The following PABPC4L variants were observed in gnomAD, a reference collection of about 807,000 sequenced individuals.
PABPC4L encodes poly(A) binding protein cytoplasmic 4 like.
For synonymous variants in PABPC4L, 169 were observed against 164.1 expected (o/e 1.03, Z -0.23); for missense variants, 452 against 451.4 (o/e 1.00, Z -0.01).
At chr4:134,069,205 A>C in the PABPC4L span, among the ~76,000 whole-genome samples, 7 of 152,096 alleles carry the variant, frequency 4.6e-5, no homozygotes, top group African/African-American at 1.7e-4. Flanking sequence ...TACCCTGTTA[A>C]GTTTCCCTCT....
chr4:134,121,101 T>C, the PABPC4L span, among the ~76,000 whole-genome samples: 1 of 151,372 alleles, frequency 6.6e-6, no homozygotes, highest in African/African-American at 2.4e-5. Flanking sequence ...TGTTAACCCA[T>C]ATGGTGAGTT....
chr4:134,091,117 G>T, the PABPC4L span, among the ~76,000 whole-genome samples: 68 of 152,168 alleles, frequency 4.5e-4, no homozygotes, highest in African/African-American at 1.6e-3. Flanking sequence ...AGGTCATTAT[G>T]CATGTGAGTT....
chr4:134,014,131 A>G, the PABPC4L span, among the ~76,000 whole-genome samples: 1 of 152,036 alleles, frequency 6.6e-6, no homozygotes, highest in East Asian at 1.9e-4. Context: ...ACAGCTCTAG[A>G]CCCTAAAAGG....
chr4:134,142,579 T>C, the PABPC4L span, among the ~76,000 whole-genome samples: 1 of 151,640 alleles, frequency 6.6e-6, no homozygotes, highest in African/African-American at 2.4e-5. Context: ...TTTTTTTTAA[T>C]GTGTAATATA....
the PABPC4L span, among the ~76,000 whole-genome samples, chr4:134,120,013 T>C: frequency 6.6e-6 from 1 of 151,724 alleles, no homozygotes; most frequent in East Asian, 1.9e-4. Context: ...TCATTTGAAT[T>C]TGGAGTGTTT....
the PABPC4L span, among the ~76,000 whole-genome samples, chr4:134,037,663 G>T: frequency 6.6e-6 from 1 of 152,070 alleles, no homozygotes; most frequent in African/African-American, 2.4e-5. Context: ...TGAAAAACAT[G>T]CAACATCATT....
At chr4:134,015,748 C>T in the PABPC4L span, among the ~76,000 whole-genome samples, 1 of 152,176 alleles carries the variant, frequency 6.6e-6, no homozygotes, top group Admixed American at 6.6e-5. Context: ...CAGGACCGCA[C>T]CCTGTAGCCT....
chr4:134,192,066 C>T (rs1560834310), downstream of PABPC4L, among the ~76,000 whole-genome samples: 1 of 151,956 alleles, frequency 6.6e-6, no homozygotes, highest in Admixed American at 6.6e-5. Context: ...AAATCCTGTA[C>T]TTGAATGTTC....
At chr4:134,156,158 A>G in the PABPC4L span, among the ~76,000 whole-genome samples, 1 of 151,974 alleles carries the variant, frequency 6.6e-6, no homozygotes, top group East Asian at 1.9e-4. Context: ...GATAATTTAC[A>G]TGTTCATTTT....
chr4:133,971,945 C>A, the PABPC4L span, among the ~76,000 whole-genome samples: 2 of 152,134 alleles, frequency 1.3e-5, no homozygotes, highest in Non-Finnish European at 1.5e-5. Flanking sequence ...ATTCACAATA[C>A]TCTTTATATT....
chr4:134,167,389 T>C, the PABPC4L span, among the ~76,000 whole-genome samples: 1 of 151,748 alleles, frequency 6.6e-6, no homozygotes, highest in Non-Finnish European at 1.5e-5. Context: ...ATAAAGTCTA[T>C]TATAATAAAA....
the PABPC4L span, among the ~76,000 whole-genome samples, chr4:133,948,763 G>A: frequency 3.3e-5 from 5 of 152,154 alleles, no homozygotes; most frequent in African/African-American, 1.2e-4. Context: ...ATGCATAACA[G>A]TCGCTTTTGT....
At chr4:133,974,913 A>T in the PABPC4L span, among the ~76,000 whole-genome samples, 5 of 152,268 alleles carry the variant, frequency 3.3e-5, no homozygotes, top group South Asian at 6.2e-4. Context: ...TTAGGATTAT[A>T]CAGCCTCTTT....
chr4:134,047,008 A>G, the PABPC4L span, among the ~76,000 whole-genome samples: 1 of 152,214 alleles, frequency 6.6e-6, no homozygotes, highest in African/African-American at 2.4e-5. Flanking sequence ...TGGCTGGTTT[A>G]TAATTACATG....
the PABPC4L span, among the ~76,000 whole-genome samples, chr4:134,071,910 G>A: frequency 6.6e-6 from 1 of 152,070 alleles, no homozygotes; most frequent in Non-Finnish European, 1.5e-5. Context: ...TAGAAAAAGT[G>A]GAAAGAGGGG....
At chr4:134,005,413 G>T in the PABPC4L span, among the ~76,000 whole-genome samples, 1 of 151,860 alleles carries the variant, frequency 6.6e-6, no homozygotes, top group South Asian at 2.1e-4. Flanking sequence ...AGGAAGAGAT[G>T]TGATTGTGAT....
chr4:133,969,969 A>G, the PABPC4L span, among the ~76,000 whole-genome samples: 1 of 151,452 alleles, frequency 6.6e-6, no homozygotes, highest in Non-Finnish European at 1.5e-5. Flanking sequence ...TTCTCAAATC[A>G]ATCTACCAAA....
chr4:134,037,247 T>A, the PABPC4L span, among the ~76,000 whole-genome samples: 2 of 152,178 alleles, frequency 1.3e-5, no homozygotes, highest in South Asian at 4.2e-4. Flanking sequence ...GTATGGTCAT[T>A]TTCATGATAT....
the PABPC4L span, among the ~76,000 whole-genome samples, chr4:134,099,050 CT>C: frequency 5.9e-5 from 9 of 151,628 alleles, no homozygotes; most frequent in Admixed American, 2.0e-4. Flanking sequence ...ACAGACAACT[CT>C]TTCTAGAAGG....
Sources: allele counts gnomAD v4.1 joint callset (sites outside exome capture counted in the v4.1 genomes callset), GRCh38; gene constraint gnomAD v4.1.1; transcripts MANE v1.5; gene names NCBI Gene and HGNC (gene_info 2026-07-23, HGNC 2026-07-21).